The following MGAT5B variants were observed in gnomAD, a reference collection of about 807,000 sequenced individuals.
MGAT5B encodes N-acetylglucosaminyl-transferase Vb.
MGAT5B carries 54 observed loss-of-function variants against 95.1 expected under a neutral mutation model. That is an observed-to-expected ratio of 0.57 (90% CI 0.46 to 0.71). MGAT5B has a LOEUF of 0.71. Ranked by LOEUF, MGAT5B falls within the 30% of genes least tolerant of loss-of-function variation. The pLI is 0.00. For missense variants in MGAT5B, 935 were observed against 1,088.6 expected (o/e 0.86, Z 1.99); for synonymous variants, 464 against 451.0 (o/e 1.03, Z -0.36).
At position 76,940,898 on chromosome 17, in the gene MGAT5B, G is replaced by A. The variant is rs367809630; in HGVS notation, c.1848+50G>A. The stretch of plus-strand genomic sequence containing the variant: ...GACCCCCCACTAGTCCACACTGCTG[G>A]TCTTCACTCTGATTAGAAAACGGTG... On this transcript the variant is annotated intron_variant, in intron 15 of 17. Transcript: ENST00000569840. The surrounding 1 kb of genome is among the most constrained non-coding windows in gnomAD (Gnocchi z 4.3). 6.1e-6 allele frequency: 9 copies of A among 1,469,296 alleles called. No homozygotes were observed. The highest frequency in any genetic ancestry group is 7.6e-6 in the Non-Finnish European group (8 of 1,051,264). 91.0% of individuals were successfully genotyped at this position (1,469,296 alleles called of 1,614,324 possible). A position where few individuals can be genotyped will look rare whatever the true frequency, so the allele number is the denominator to read the frequency against.
chr17:76,945,531 C>T (rs998721944), intron 15 of MGAT5B, among the ~76,000 whole-genome samples: 13 of 152,280 alleles, frequency 8.5e-5, no homozygotes, highest in African/African-American at 2.9e-4. Flanking sequence ...TCAGGCGATC[C>T]GCCCACCTCG....
At chr17:76,909,098 C>A (rs1042381678) in intron 8 of MGAT5B, among the ~76,000 whole-genome samples, 1 of 152,082 alleles carries the variant, frequency 6.6e-6, no homozygotes, top group Non-Finnish European at 1.5e-5. Flanking sequence ...TGAGCCACTG[C>A]GCCCAGCCTC....
intron 8 of MGAT5B, among the ~76,000 whole-genome samples, chr17:76,913,451 G>C (rs866200552): frequency 2.0e-5 from 3 of 152,352 alleles, no homozygotes; most frequent in African/African-American, 7.2e-5. Flanking sequence ...TTCTCTGAGG[G>C]GAGAGGAGAA....
intron 8 of MGAT5B, among the ~76,000 whole-genome samples, chr17:76,911,468 C>T (rs1968734252): frequency 6.6e-6 from 1 of 152,166 alleles, no homozygotes; most frequent in Non-Finnish European, 1.5e-5. Context: ...GGTTGGGCCA[C>T]AGAGGCACCC....
chr17:76,904,475 T>C, intron 6 of MGAT5B, 53 bp downstream of exon 6: 1 of 1,516,204 alleles, frequency 6.6e-7, no homozygotes, highest in Non-Finnish European at 8.9e-7. Flanking sequence ...CTGGACATTC[T>C]TAAGGACAGT....
chr17:76,948,732 A>G lies in MGAT5B; in HGVS notation c.2273A>G (p.Glu758Gly), dbSNP rs1173413077. ...QPGQECYLQK[E>G]PLLFSCAGSN... ...GGCCAGGAGTGCTACCTGCAGAAGG[A>G]GCCTCTGCTCTTCAGCTGCGCCGGC... The change falls in exon 18 of 18, where the codon GAG (glutamate) becomes GGG (glycine). Residue 758 changes from glutamate to glycine, a missense_variant. Transcript: ENST00000569840. The G allele has an allele frequency of 6.2e-7, 1 of 1,613,028 alleles. No homozygotes were observed. The highest frequency in any genetic ancestry group is 1.1e-5 in the South Asian group (1 of 90,824).
At chr17:76,945,646 G>A (rs915006258) in intron 15 of MGAT5B, among the ~76,000 whole-genome samples, 1 of 152,186 alleles carries the variant, frequency 6.6e-6, no homozygotes. Context: ...TTGTGCCTGT[G>A]GGGGCAGGGT....
Position 76,869,236 on chromosome 17 carries a change from T to G in MGAT5B, c.68+139T>G. 29 of 632,018 alleles carry G rather than the reference T, an allele frequency of 4.6e-5. No homozygotes were observed. Among genetic ancestry groups the G allele is most frequent in the East Asian group, 6.9e-5 (2 of 29,020 alleles). The allele number at this position is 632,018 out of a possible 1,614,324, so 39.2% of individuals were successfully genotyped here. On this transcript the variant is annotated intron_variant, in intron 1 of 17. Coordinates refer to ENST00000569840, the MANE Select transcript of MGAT5B (RefSeq NM_001199172.2). The surrounding 1 kb of genome is among the most constrained non-coding windows in gnomAD (Gnocchi z 7.0). ...AACCCCTGGTGATGACCAGTGGGGC[T>G]GGGCTGGGGGAACGGATGGCGTTGG...
chr17:76,893,473 C>A (rs114592301), intron 3 of MGAT5B, among the ~76,000 whole-genome samples: 1 of 152,302 alleles, frequency 6.6e-6, no homozygotes, highest in African/African-American at 2.4e-5. Context: ...GGGTTCACAG[C>A]CTTCCTCTCT....
At chr17:76,908,275 C>CTTTTTTTTTTTTTT (rs5822149) in intron 8 of MGAT5B, among the ~76,000 whole-genome samples, 1 of 103,072 alleles carries the variant, frequency 9.7e-6, no homozygotes, top group Admixed American at 1.1e-4. Context: ...TTTCTTTCTT[C>CTTTTTTTTTTTTTT]TTTTTTTTTT....
Position 76,868,493 on chromosome 17 carries a change from G to T in MGAT5B, c.-537G>T. On this transcript the variant is annotated 5_prime_UTR_variant, in exon 1 of 18. Coordinates refer to ENST00000569840, the MANE Select transcript of MGAT5B (RefSeq NM_001199172.2). This position sits in a 1 kb window ranked among gnomAD's most constrained non-coding sequence, Gnocchi z 6.3. ...GCCGGACACCAGAGCGCGGGCGGCG[G>T]AGCCAGCGGGCGAGAGAGCGCGCGG... The T allele has an allele frequency of 6.7e-6, 1 of 150,082 alleles. No individual in the cohort carries two copies. Among genetic ancestry groups the T allele is most frequent in the South Asian group, 1.9e-4 (1 of 5,218 alleles). The allele number at this position is 150,082 out of a possible 1,614,324, so 9.3% of individuals were successfully genotyped here.
chr17:76,874,018 A>G (rs1313951366), intron 2 of MGAT5B, among the ~76,000 whole-genome samples: 2 of 152,136 alleles, frequency 1.3e-5, no homozygotes, highest in African/African-American at 4.8e-5. Context: ...TCATCTCATC[A>G]TTAGATTCAT....
At chr17:76,927,414 AT>A (rs1279880452) in intron 10 of MGAT5B, among the ~76,000 whole-genome samples, 1 of 151,834 alleles carries the variant, frequency 6.6e-6, no homozygotes, top group Non-Finnish European at 1.5e-5. Context: ...TAATTTTTAT[AT>A]TTTTTGTAGA....
Position 76,940,138 on chromosome 17 carries a change from T to TA in MGAT5B, c.1585-262dup, listed in dbSNP as rs1329239672. Among the ~76,000 whole-genome samples, 52 of 152,154 alleles carry TA rather than the reference T, an allele frequency of 3.4e-4. 2 individuals are homozygous for TA. Among genetic ancestry groups the TA allele is most frequent in the Admixed American group, 3.2e-3 (49 of 15,280 alleles). ...TGATAGAGCAAGAAGAGACCATTGA[T>TA]AATACCTAATTAGACCCCCTTATTT... On this transcript the variant is annotated intron_variant, in intron 13 of 17. Coordinates refer to ENST00000569840, the MANE Select transcript of MGAT5B (RefSeq NM_001199172.2). This position sits in a 1 kb window ranked among gnomAD's most constrained non-coding sequence, Gnocchi z 4.3.
In MGAT5B at chr17:76,949,463, C is replaced by G; in HGVS notation, c.*625C>G. The stretch of plus-strand genomic sequence containing the variant: ...CTAAGCCGAGGGGTCCTGTTTGTGC[C>G]TCCCCTTAGTCCCTTCCCTCCCGAT... On this transcript the variant is annotated 3_prime_UTR_variant, in exon 18 of 18. Coordinates refer to ENST00000569840, the MANE Select transcript of MGAT5B (RefSeq NM_001199172.2). 6.6e-6 allele frequency: 1 copy of G among 152,480 alleles called. No individual in the cohort carries two copies. Among genetic ancestry groups the G allele is most frequent in the Non-Finnish European group, 1.5e-5 (1 of 68,420 alleles). The allele number at this position is 152,480 out of a possible 1,614,324, so 9.4% of individuals were successfully genotyped here.
At chr17:76,884,579 G>A (rs1157251328) in intron 3 of MGAT5B, among the ~76,000 whole-genome samples, 2 of 150,150 alleles carry the variant, frequency 1.3e-5, no homozygotes, top group Admixed American at 6.7e-5. Context: ...GATTACAGGT[G>A]TGTGTGCCAC....
rs1471643107 is a variant in MGAT5B, at chr17:76,869,456, G to A, written c.68+359G>A. ...AGGGTCCTTCCTCACCCCGCGGACGGTCCCATCCGGGTGGCAAAGTTAGTG... is the reference window on the plus strand; with the variant it reads ...AGGGTCCTTCCTCACCCCGCGGACGATCCCATCCGGGTGGCAAAGTTAGTG... On this transcript the variant is annotated intron_variant, in intron 1 of 17. Transcript: ENST00000569840. The surrounding 1 kb of genome is among the most constrained non-coding windows in gnomAD (Gnocchi z 7.0). 2.0e-5 allele frequency among the ~76,000 whole-genome samples: 3 copies of A among 152,114 alleles called. No homozygotes were observed. Among genetic ancestry groups the A allele is most frequent in the Non-Finnish European group, 2.9e-5 (2 of 68,014 alleles).
chr17:76,922,689 G>A (rs1034509638), intron 8 of MGAT5B, among the ~76,000 whole-genome samples: 1 of 152,246 alleles, frequency 6.6e-6, no homozygotes, highest in African/African-American at 2.4e-5. Flanking sequence ...GAAGAGGCAG[G>A]CACTGCCTTA....
chr17:76,922,889 G>A (rs1176763965), intron 8 of MGAT5B, among the ~76,000 whole-genome samples: 4 of 152,196 alleles, frequency 2.6e-5, no homozygotes, highest in African/African-American at 4.8e-5. Context: ...ACATGGCGGG[G>A]AAGCCAGTGT....
Sources: gnomAD v4.1 joint callset for allele counts (sites outside exome capture counted in the v4.1 genomes callset) on GRCh38, gnomAD v4.1.1 for gene constraint, Gnocchi (gnomAD v3.1) non-coding constraint, MANE v1.5 for transcripts, NCBI Gene and HGNC (gene_info 2026-07-23, HGNC 2026-07-21) for gene names.